Variants in FGF18 observed in about 807,000 individuals in gnomAD.
FGF18 encodes fibroblast growth factor 18.
Under a neutral mutation model 23.0 loss-of-function variants are expected in FGF18, and 5 were observed. The observed-to-expected ratio is 0.22, with a 90% CI of 0.11 to 0.46. The LOEUF is 0.46. Ranked by LOEUF, FGF18 falls within the 20% of genes least tolerant of loss-of-function variation. The pLI is 0.99. For synonymous variants in FGF18, 117 were observed against 118.9 expected, an observed-to-expected ratio of 0.98 and a Z score of 0.10; for missense variants, 180 against 291.6, an observed-to-expected ratio of 0.62 and a Z score of 2.79.
chr5:171,450,468 A>G (rs974816944), intron 4 of FGF18, among the ~76,000 whole-genome samples: 2 of 152,096 alleles, frequency 1.3e-5, no homozygotes, highest in Admixed American at 6.5e-5. Flanking sequence ...TACCATCCCC[A>G]TTCCACAGAT....
chr5:171,448,215 G>A (rs80013221), intron 3 of FGF18, among the ~76,000 whole-genome samples: 2 of 152,308 alleles, frequency 1.3e-5, no homozygotes, highest in East Asian at 1.9e-4. Flanking sequence ...CATGGATGGT[G>A]TAGCATGGGG....
chr5:171,433,666 T>C (rs1161261790), intron 2 of FGF18, among the ~76,000 whole-genome samples: 1 of 152,092 alleles, frequency 6.6e-6, no homozygotes. Context: ...GAGGCACACA[T>C]GGTGGGCCAG....
chr5:171,430,220 C>T (rs1198707897), intron 2 of FGF18, among the ~76,000 whole-genome samples: 4 of 151,860 alleles, frequency 2.6e-5, no homozygotes, highest in Non-Finnish European at 5.9e-5. Flanking sequence ...TCACTGGGCG[C>T]GGTGGCAGGC....
chr5:171,432,749 G>T (rs1772199735), intron 2 of FGF18, among the ~76,000 whole-genome samples: 1 of 152,210 alleles, frequency 6.6e-6, no homozygotes, highest in Non-Finnish European at 1.5e-5. Flanking sequence ...CTGGAACAGG[G>T]GAATGCTGGG....
intron 2 of FGF18, among the ~76,000 whole-genome samples, chr5:171,432,359 TTTC>T (rs57512567): frequency 6.6e-5 from 10 of 151,490 alleles, no homozygotes; most frequent in East Asian, 2.0e-4. Context: ...TGGGGGTCAT[TTTC>T]TTCTTCTTCT....
rs763585537 is a variant in FGF18 at position 171,456,777 on chromosome 5, G to A, written c.596G>A (p.Arg199His). The A allele has an allele frequency of 1.1e-5, 18 of 1,613,740 alleles. No individual in the cohort carries two copies. The highest frequency in any genetic ancestry group is 8.9e-5 in the East Asian group (4 of 44,884). The stretch of plus-strand genomic sequence containing the variant: ...TACACGACGGTGACCAAGAGGTCCC[G>A]TCGGATCCGGCCCACACACCCTGCC... ...FKYTTVTKRS[R>H]RIRPTHPA Residue 199 changes from arginine to histidine, a missense_variant, in exon 5 of 5, where the codon CGT becomes CAT. By Grantham distance (29) the Arg-to-His change is conservative. This residue lies in a region of FGF18 where 40 missense variants were observed against 41.4 expected (regional missense o/e 0.97). Transcript: ENST00000274625. This position sits in a 1 kb window ranked among gnomAD's most constrained non-coding sequence, Gnocchi z 6.1.
chr5:171,446,198 G>A (rs919373989), intron 3 of FGF18, among the ~76,000 whole-genome samples: 1 of 152,226 alleles, frequency 6.6e-6, no homozygotes, highest in African/African-American at 2.4e-5. Context: ...TGACGGCCAG[G>A]CGCAGACCCT....
At chr5:171,443,686 A>G (rs933950620) in intron 3 of FGF18, among the ~76,000 whole-genome samples, 2 of 152,026 alleles carry the variant, frequency 1.3e-5, no homozygotes, top group African/African-American at 4.8e-5. Context: ...TGCTGCAGGC[A>G]TTAAAGTGGG....
chr5:171,433,710 T>G (rs1363078479), intron 2 of FGF18, among the ~76,000 whole-genome samples: 1 of 152,204 alleles, frequency 6.6e-6, no homozygotes, highest in East Asian at 1.9e-4. Context: ...GCTGTGTGGT[T>G]TGGAGCAATG....
chr5:171,457,157 G>GC lies in FGF18; in HGVS notation c.*352_*353insC. On this transcript the variant is annotated 3_prime_UTR_variant, in exon 5 of 5. Coordinates refer to ENST00000274625, the MANE Select transcript of FGF18 (RefSeq NM_003862.3). Reference sequence around the variant, plus strand: ...GTCCTTTTTCCCAAAGGTTCTGAAAGGAAAAAAAAAAAAAACAAAAAAAAA... The same window carrying GC: ...GTCCTTTTTCCCAAAGGTTCTGAAAGCGAAAAAAAAAAAAAACAAAAAAAAA... The GC allele has an allele frequency of 6.3e-6, 1 of 159,102 alleles. No individual in the cohort carries two copies. The highest frequency in any genetic ancestry group is 2.6e-5 in the African/African-American group (1 of 38,082). The allele number at this position is 159,102 out of a possible 1,614,324, so 9.9% of individuals were successfully genotyped here.
At chr5:171,443,938 T>G (rs948402350) in intron 3 of FGF18, among the ~76,000 whole-genome samples, 2 of 152,052 alleles carry the variant, frequency 1.3e-5, no homozygotes, top group African/African-American at 2.4e-5. Context: ...GGCCTGGAGC[T>G]TCCCATTTTG....
chr5:171,420,502 C>T, intron 2 of FGF18, 59 bp downstream of exon 2: 1 of 1,523,956 alleles, frequency 6.6e-7, no homozygotes, highest in Non-Finnish European at 9.1e-7. Context: ...CACGCCGACC[C>T]CCCTTCCCCG....
intron 2 of FGF18, among the ~76,000 whole-genome samples, chr5:171,423,711 G>T (rs145229591): frequency 6.6e-6 from 1 of 151,808 alleles, no homozygotes; most frequent in African/African-American, 2.4e-5. Flanking sequence ...TTAGGATGGG[G>T]AAGCTGGAGA....
chr5:171,430,437 C>T (rs930039352), intron 2 of FGF18, among the ~76,000 whole-genome samples: 3 of 151,574 alleles, frequency 2.0e-5, no homozygotes, highest in African/African-American at 7.3e-5. Flanking sequence ...TCAAGAGATT[C>T]CTAGCACAGA....
rs1018587424 is a variant in FGF18 at position 171,451,336 on chromosome 5, C to T, written c.357+2083C>T. Among the ~76,000 whole-genome samples the T allele has an allele frequency of 1.3e-5, 2 of 152,140 alleles. No homozygotes were observed. Among genetic ancestry groups the T allele is most frequent in the African/African-American group, 4.8e-5 (2 of 41,436 alleles). On this transcript the variant is annotated intron_variant, in intron 4 of 4. Coordinates refer to ENST00000274625, the MANE Select transcript of FGF18 (RefSeq NM_003862.3). The surrounding 1 kb of genome is among the most constrained non-coding windows in gnomAD (Gnocchi z 4.5). ...GGACTCGAGGACGCCACCAAATCCA[C>T]CTGTCCAGGCTTGACCTCTGCCCCG...
In FGF18 at chr5:171,456,520, C is replaced by G; in HGVS notation, c.358-19C>G. Reference sequence around the variant, plus strand: ...CTGAGTCATTTTTTTCTTGAACACTCCCCCTCTCTCCCCTGCAGCCCGATG... The same window carrying G: ...CTGAGTCATTTTTTTCTTGAACACTGCCCCTCTCTCCCCTGCAGCCCGATG... On this transcript the variant is annotated intron_variant, in intron 4 of 4. Transcript: ENST00000274625. The surrounding 1 kb of genome is among the most constrained non-coding windows in gnomAD (Gnocchi z 6.1). 6.2e-7 allele frequency: 1 copy of G among 1,605,836 alleles called. No homozygotes were observed. Among genetic ancestry groups the G allele is most frequent in the Non-Finnish European group, 8.5e-7 (1 of 1,174,694 alleles).
chr5:171,425,482 A>G (rs1772076048), intron 2 of FGF18, among the ~76,000 whole-genome samples: 2 of 149,764 alleles, frequency 1.3e-5, no homozygotes, highest in African/African-American at 4.9e-5. Flanking sequence ...CGGACTCCCA[A>G]AGTGCTGGGA....
intron 4 of FGF18, among the ~76,000 whole-genome samples, chr5:171,452,420 G>C (rs1337916711): frequency 6.6e-6 from 1 of 152,172 alleles, no homozygotes; most frequent in African/African-American, 2.4e-5. Flanking sequence ...TTGAGCCCTT[G>C]ACAGAGCTTT....
rs1203610467 is a variant in FGF18 at position 171,430,349 on chromosome 5, C to T, written c.70-5744C>T. 2.2e-5 allele frequency among the ~76,000 whole-genome samples: 3 copies of T among 136,208 alleles called. No homozygotes were observed. The East Asian group carries it at 6.4e-4, about 29-fold the overall frequency. The allele number at this position is 136,208 out of a possible 152,430, so 89.4% of individuals were successfully genotyped here. A position where few individuals can be genotyped will look rare whatever the true frequency, so the allele number is the denominator to read the frequency against. On this transcript the variant is annotated intron_variant, in intron 2 of 4. Coordinates refer to ENST00000274625, the MANE Select transcript of FGF18 (RefSeq NM_003862.3). Reference sequence around the variant, plus strand: ...CTCCAGCCTGGGCAACAGAGTAAGACTGTGTCTCAAAAAAAAAAAAAAAAA... The same window carrying T: ...CTCCAGCCTGGGCAACAGAGTAAGATTGTGTCTCAAAAAAAAAAAAAAAAA...
Sources: gnomAD v4.1 joint callset for allele counts (sites outside exome capture counted in the v4.1 genomes callset) on GRCh38, gnomAD v4.1.1 for gene constraint, gnomAD v4.1.1 regional missense constraint, Gnocchi (gnomAD v3.1) non-coding constraint, MANE v1.5 for transcripts, NCBI Gene and HGNC (gene_info 2026-07-23, HGNC 2026-07-21) for gene names.